Variants in ENTREP1 observed in about 807,000 individuals in gnomAD.
The protein encoded by ENTREP1 is Friedreich ataxia region gene X123.
chr9:69,390,452 A>G, the ENTREP1 span, among the ~76,000 whole-genome samples: 1 of 152,214 alleles, frequency 6.6e-6, no homozygotes, highest in Non-Finnish European at 1.5e-5. Context: ...GGAATTTTTC[A>G]TATTTTTGCC....
chr9:69,353,547 C>T, the ENTREP1 span, among the ~76,000 whole-genome samples: 3 of 152,186 alleles, frequency 2.0e-5, no homozygotes, highest in South Asian at 6.2e-4. Flanking sequence ...CATGATCATG[C>T]TTAAGAAAAT....
chr9:69,363,362 G>T, the ENTREP1 span, among the ~76,000 whole-genome samples: 5 of 152,134 alleles, frequency 3.3e-5, no homozygotes, highest in African/African-American at 1.2e-4. Flanking sequence ...CAATAGGAAT[G>T]GGGCTTAATG....
the ENTREP1 span, among the ~76,000 whole-genome samples, chr9:69,332,205 G>A: frequency 6.6e-6 from 1 of 152,188 alleles, no homozygotes; most frequent in Non-Finnish European, 1.5e-5. Flanking sequence ...AAGTGCCTCA[G>A]GGCTTCACTG....
At chr9:69,367,604 T>TATATATATATACACACATATATAAAA in the ENTREP1 span, among the ~76,000 whole-genome samples, 1 of 134,890 alleles carries the variant, frequency 7.4e-6, no homozygotes, top group Non-Finnish European at 1.6e-5. Flanking sequence ...GTGTTTTATA[T>TATATATATATACACACATATATAAAA]ATATATATAT....
At chr9:69,374,215 T>G in the ENTREP1 span, among the ~76,000 whole-genome samples, 6 of 152,238 alleles carry the variant, frequency 3.9e-5, no homozygotes, top group Admixed American at 1.3e-4. Context: ...TTCAGGACAC[T>G]ATTTCATTTT....
chr9:69,337,742 T>C, the ENTREP1 span, among the ~76,000 whole-genome samples: 1 of 152,206 alleles, frequency 6.6e-6, no homozygotes, highest in South Asian at 2.1e-4. Flanking sequence ...CTTTTAATGA[T>C]AAAATAGAGG....
the ENTREP1 span, among the ~76,000 whole-genome samples, chr9:69,340,587 A>ATGTGTGCATGCGTGTGTGTGTGTGCATG: frequency 7.4e-6 from 1 of 134,508 alleles, no homozygotes; most frequent in African/African-American, 2.8e-5. Flanking sequence ...GCTAGGAAGT[A>ATGTGTGCATGCGTGTGTGTGTGTGCATG]TGTGTGCATG....
chr9:69,344,661 G>T, the ENTREP1 span, among the ~76,000 whole-genome samples: 2 of 152,148 alleles, frequency 1.3e-5, no homozygotes, highest in Non-Finnish European at 2.9e-5. Context: ...CTGTGAGCCC[G>T]TGACCTCTAC....
chr9:69,369,046 G>T, the ENTREP1 span, among the ~76,000 whole-genome samples: 2 of 152,006 alleles, frequency 1.3e-5, no homozygotes, highest in East Asian at 3.9e-4. Flanking sequence ...TGTTCTCATT[G>T]TTCACCTCCC....
chr9:69,375,477 T>C, the ENTREP1 span, among the ~76,000 whole-genome samples: 1 of 152,186 alleles, frequency 6.6e-6, no homozygotes, highest in Non-Finnish European at 1.5e-5. Context: ...ACAGGATTAG[T>C]ATGAAAACAG....
At chr9:69,363,174 G>T in the ENTREP1 span, among the ~76,000 whole-genome samples, 4 of 152,160 alleles carry the variant, frequency 2.6e-5, no homozygotes, top group African/African-American at 9.6e-5. Flanking sequence ...ACTTTTTGGC[G>T]CCCACTGTCT....
the ENTREP1 span, among the ~76,000 whole-genome samples, chr9:69,375,269 G>C: frequency 3.3e-5 from 5 of 152,208 alleles, no homozygotes; most frequent in Non-Finnish European, 5.9e-5. Flanking sequence ...ATGATGCCTA[G>C]TATTGTCTGA....
the ENTREP1 span, chr9:69,371,579 GT>G: frequency 6.2e-7 from 1 of 1,613,808 alleles, no homozygotes. Context: ...AAGGGGCCCA[GT>G]TTGTGTCCAG....
At chr9:69,340,587 A>ATGTGTGCATGCGTGTGTGTGCATGTG in the ENTREP1 span, among the ~76,000 whole-genome samples, 492 of 134,530 alleles carry the variant, frequency 3.7e-3, 16 homozygotes, top group East Asian at 0.028. Context: ...GCTAGGAAGT[A>ATGTGTGCATGCGTGTGTGTGCATGTG]TGTGTGCATG....
chr9:69,373,755 A>C, the ENTREP1 span, among the ~76,000 whole-genome samples: 1 of 152,138 alleles, frequency 6.6e-6, no homozygotes, highest in Non-Finnish European at 1.5e-5. Flanking sequence ...TCTCCTGCTT[A>C]TCTCATTTAT....
the ENTREP1 span, chr9:69,380,923 G>C: frequency 6.6e-6 from 1 of 152,338 alleles, no homozygotes; most frequent in African/African-American, 2.4e-5. Context: ...GGCGATGCTT[G>C]GGGTTGAGTC....
the ENTREP1 span, among the ~76,000 whole-genome samples, chr9:69,364,215 T>C: frequency 2.6e-5 from 4 of 152,186 alleles, no homozygotes; most frequent in Non-Finnish European, 5.9e-5. Context: ...GGTGACTCTC[T>C]TAATAATTTT....
At chr9:69,383,615 A>T in the ENTREP1 span, 1 of 1,613,958 alleles carries the variant, frequency 6.2e-7, no homozygotes, top group Non-Finnish European at 8.5e-7. Flanking sequence ...TCTGACGCCA[A>T]GTCGCTTTTC....
chr9:69,382,166 A>G, the ENTREP1 span: 1 of 152,302 alleles, frequency 6.6e-6, no homozygotes, highest in Admixed American at 6.5e-5. Flanking sequence ...TCTGGAGAGG[A>G]TAGAAGTCCA....
Sources: gnomAD v4.1 joint callset for allele counts (sites outside exome capture counted in the v4.1 genomes callset) on GRCh38, gnomAD v4.1.1 for gene constraint, MANE v1.5 for transcripts, NCBI Gene and HGNC (gene_info 2026-07-23, HGNC 2026-07-21) for gene names.